CNIH3: variants seen among roughly 807,000 people sequenced by gnomAD.
CNIH3 encodes protein cornichon homolog 3.
Under a neutral mutation model 24.1 loss-of-function variants are expected in CNIH3, and 14 were observed. The ratio of observed to expected loss-of-function variants is 0.58; its 90% confidence interval spans 0.38 to 0.91. The LOEUF (loss-of-function observed/expected upper bound fraction) is 0.91. Among genes scored for constraint, CNIH3 ranks in the 40% least tolerant of loss-of-function variants. CNIH3 has a pLI of 0.00. For synonymous variants in CNIH3, 68 were observed against 73.8 expected (o/e 0.92, Z 0.40); for missense variants, 178 against 196.8 (o/e 0.90, Z 0.57).
Position 224,718,792 on chromosome 1 carries a change from T to C in CNIH3, c.199-11670T>C, listed in dbSNP as rs1170848081. On this transcript the variant is annotated intron_variant, in intron 3 of 5. Transcript: ENST00000272133. ...TGGGACTCGTGGCAGTTTGTCATAG[T>C]GATTCTCAAGACTCAGAGATGGCCC... is the stretch of plus-strand genomic sequence containing the variant. Among the ~76,000 whole-genome samples the C allele has an allele frequency of 2.0e-5, 3 of 152,218 alleles. No homozygotes were observed. The East Asian group carries it at 5.8e-4, about 29-fold the overall frequency.
intron 3 of CNIH3, among the ~76,000 whole-genome samples, chr1:224,596,258 A>G (rs1279972689): frequency 6.6e-6 from 1 of 152,260 alleles, no homozygotes; most frequent in Non-Finnish European, 1.5e-5. Flanking sequence ...AAAAAATCCT[A>G]GAACCCTTTA....
chr1:224,656,991 G>A (rs1685128133), intron 1 of CNIH3, among the ~76,000 whole-genome samples: 1 of 152,192 alleles, frequency 6.6e-6, no homozygotes, highest in African/African-American at 2.4e-5. Flanking sequence ...TTGGCAACTG[G>A]AGTCCCCTTG....
chr1:224,724,116 T>C (rs1396940972), intron 3 of CNIH3, among the ~76,000 whole-genome samples: 2 of 152,242 alleles, frequency 1.3e-5, no homozygotes, highest in Admixed American at 1.3e-4. Context: ...GTTAAGTTGC[T>C]TATGTAGCAG....
intron 1 of CNIH3, among the ~76,000 whole-genome samples, chr1:224,463,515 G>A (rs1676016146): frequency 6.6e-6 from 1 of 150,660 alleles, no homozygotes; most frequent in African/African-American, 2.4e-5. Flanking sequence ...TTCAAGCGAT[G>A]CTTTTGCCTC....
chr1:224,705,060 G>A (rs888522181), intron 3 of CNIH3, among the ~76,000 whole-genome samples: 1 of 151,898 alleles, frequency 6.6e-6, no homozygotes, highest in Non-Finnish European at 1.5e-5. Flanking sequence ...GAAGGTTGCA[G>A]TGAGCCGAGA....
intron 1 of CNIH3, among the ~76,000 whole-genome samples, chr1:224,631,778 T>C (rs755502841): frequency 6.6e-6 from 1 of 152,128 alleles, no homozygotes; most frequent in African/African-American, 2.4e-5. Context: ...TCTCTCCTGC[T>C]GGGGAAAAAT....
Position 224,604,068 on chromosome 1 carries a change from TA to T in CNIH3, n.402+37809del, listed in dbSNP as rs1273042272. Among the ~76,000 whole-genome samples, 1 of 152,230 alleles carries T rather than the reference TA, an allele frequency of 6.6e-6. No individual in the cohort carries two copies. Among genetic ancestry groups the T allele is most frequent in the Non-Finnish European group, 1.5e-5 (1 of 68,042 alleles). The stretch of plus-strand genomic sequence containing the variant: ...CAACCACATGATTTCAGTAGAGTGA[TA>T]AAAATGTGATGTATATACACAATGC... On this transcript the variant is annotated intron_variant and non_coding_transcript_variant, in intron 3 of 7. Transcript: ENST00000478120. This position sits in a 1 kb window ranked among gnomAD's most constrained non-coding sequence, Gnocchi z 4.4.
At chr1:224,550,614 G>A (rs972022684) in intron 3 of CNIH3, among the ~76,000 whole-genome samples, 3 of 152,152 alleles carry the variant, frequency 2.0e-5, no homozygotes, top group Admixed American at 1.3e-4. Flanking sequence ...AACACTGAAC[G>A]TTATAGAACT....
intron 1 of CNIH3, among the ~76,000 whole-genome samples, chr1:224,621,739 A>G (rs1300037233): frequency 6.6e-6 from 1 of 152,226 alleles, no homozygotes; most frequent in Non-Finnish European, 1.5e-5. Flanking sequence ...TTTGGTATAA[A>G]TACTCATAGG....
At chr1:224,735,207 A>T (rs1689535460) in intron 5 of CNIH3, among the ~76,000 whole-genome samples, 2 of 152,148 alleles carry the variant, frequency 1.3e-5, no homozygotes, top group South Asian at 4.2e-4. Context: ...GTGTCGCTAA[A>T]TGCTTCATTT....
intron 1 of CNIH3, among the ~76,000 whole-genome samples, chr1:224,676,851 CTATT>C (rs879339862): frequency 3.9e-5 from 6 of 152,328 alleles, no homozygotes; most frequent in Admixed American, 1.3e-4. Flanking sequence ...AACTGGGAAT[CTATT>C]TATGAATTAG....
At chr1:224,689,952 G>T (rs1022452749) in intron 3 of CNIH3, among the ~76,000 whole-genome samples, 2 of 152,138 alleles carry the variant, frequency 1.3e-5, no homozygotes, top group African/African-American at 4.8e-5. Flanking sequence ...TTTGGGAGCA[G>T]GAAGCATCCT....
intron 3 of CNIH3, among the ~76,000 whole-genome samples, chr1:224,713,391 A>C (rs1175223844): frequency 6.6e-6 from 1 of 152,336 alleles, no homozygotes; most frequent in Middle Eastern, 3.4e-3. Context: ...TTCAGTGTGC[A>C]CATGATGTGT....
chr1:224,519,240 G>T (rs1678522665), intron 1 of CNIH3, among the ~76,000 whole-genome samples: 1 of 152,222 alleles, frequency 6.6e-6, no homozygotes, highest in Non-Finnish European at 1.5e-5. Flanking sequence ...AGGCCTCACA[G>T]TCATGGCAGA....
At chr1:224,464,957 A>G (rs1676093138) in intron 1 of CNIH3, among the ~76,000 whole-genome samples, 1 of 151,544 alleles carries the variant, frequency 6.6e-6, no homozygotes, top group African/African-American at 2.4e-5. Context: ...CACTAGGCCC[A>G]GTTAATTTTT....
chr1:224,440,640 G>T (rs1674860945), intron 1 of CNIH3, among the ~76,000 whole-genome samples: 1 of 152,126 alleles, frequency 6.6e-6, no homozygotes, highest in Non-Finnish European at 1.5e-5. Context: ...ATAATATGAT[G>T]CATTTTGATA....
chr1:224,493,002 C>T (rs1451293907), intron 1 of CNIH3, among the ~76,000 whole-genome samples: 17 of 152,154 alleles, frequency 1.1e-4, no homozygotes, highest in Non-Finnish European at 2.5e-4. Flanking sequence ...GACAGTGATC[C>T]ATGGAATCCA....
At chr1:224,597,792 C>A (rs2125037677) in intron 3 of CNIH3, among the ~76,000 whole-genome samples, 1 of 152,196 alleles carries the variant, frequency 6.6e-6, no homozygotes, top group South Asian at 2.1e-4. Context: ...ATTAATCTAC[C>A]CCAAGGAAGG....
chr1:224,591,114 A>G (rs1230803339), downstream of CNIH3, among the ~76,000 whole-genome samples: 5 of 152,210 alleles, frequency 3.3e-5, no homozygotes, highest in African/African-American at 1.2e-4. Flanking sequence ...TATTCACTCT[A>G]GCTAAGCAGG....
Sources: gnomAD v4.1 joint callset for allele counts (sites outside exome capture counted in the v4.1 genomes callset) on GRCh38, gnomAD v4.1.1 for gene constraint, Gnocchi (gnomAD v3.1) non-coding constraint, MANE v1.5 for transcripts, NCBI Gene and HGNC (gene_info 2026-07-23, HGNC 2026-07-21) for gene names.